The following GPC5 variants were observed in gnomAD, a reference collection of about 807,000 sequenced individuals.
GPC5 encodes the protein glypican-5.
A neutral mutation model predicts 53.9 loss-of-function variants in GPC5; 47 were observed. The ratio of observed to expected loss-of-function variants is 0.87; its 90% confidence interval spans 0.69 to 1.11. The LOEUF (loss-of-function observed/expected upper bound fraction) is 1.11. GPC5 is among the 50% of genes most tolerant of loss of function. The pLI is 0.00. For synonymous variants in GPC5, 286 were observed against 263.3 expected (o/e 1.09, Z -0.84); for missense variants, 748 against 713.1 (o/e 1.05, Z -0.56).
chr13:92,782,948 G>T (rs983917225), intron 7 of GPC5, among the ~76,000 whole-genome samples: 2 of 152,118 alleles, frequency 1.3e-5, no homozygotes, highest in African/African-American at 4.8e-5. Context: ...ACTAGTCAAG[G>T]TATTTGCTTA....
chr13:91,998,527 AT>A (rs2040525693), intron 6 of GPC5, among the ~76,000 whole-genome samples: 1 of 152,132 alleles, frequency 6.6e-6, no homozygotes, highest in Admixed American at 6.5e-5. Context: ...GAGATCTTTA[AT>A]TTCTTAATGT....
chr13:92,614,606 G>C (rs1338237534), intron 7 of GPC5, among the ~76,000 whole-genome samples: 1 of 152,174 alleles, frequency 6.6e-6, no homozygotes, highest in Non-Finnish European at 1.5e-5. Flanking sequence ...GCTTACTACA[G>C]TGAATAATTC....
At chr13:92,275,187 A>G (rs563023751) in intron 7 of GPC5, among the ~76,000 whole-genome samples, 2 of 152,268 alleles carry the variant, frequency 1.3e-5, no homozygotes, top group East Asian at 3.9e-4. Context: ...AAACAATTGA[A>G]ATAGATATTA....
intron 2 of GPC5, among the ~76,000 whole-genome samples, chr13:91,678,805 C>G (rs1017673920): frequency 6.6e-6 from 1 of 151,256 alleles, no homozygotes; most frequent in African/African-American, 2.4e-5. Context: ...GGTAAGTTAT[C>G]ATTATGTAAT....
intron 7 of GPC5, among the ~76,000 whole-genome samples, chr13:92,333,510 T>G (rs1049621764): frequency 6.6e-6 from 1 of 152,032 alleles, no homozygotes; most frequent in African/African-American, 2.4e-5. Context: ...CCTACTCTAG[T>G]CTTCCTTTTC....
intron 6 of GPC5, among the ~76,000 whole-genome samples, chr13:92,096,901 A>C (rs1249260665): frequency 6.6e-6 from 1 of 152,228 alleles, no homozygotes; most frequent in African/African-American, 2.4e-5. Context: ...AGGATGGAAG[A>C]ACTTTGAGGA....
chr13:91,939,875 A>G (rs1037830618), intron 6 of GPC5, among the ~76,000 whole-genome samples: 1 of 152,140 alleles, frequency 6.6e-6, no homozygotes, highest in African/African-American at 2.4e-5. Flanking sequence ...CCCTGTAATC[A>G]TATAGTCCAA....
intron 7 of GPC5, among the ~76,000 whole-genome samples, chr13:92,378,391 C>T (rs1018670014): frequency 1.3e-5 from 2 of 152,176 alleles, no homozygotes; most frequent in Admixed American, 1.3e-4. Flanking sequence ...GTTGGAATTA[C>T]TCTTCACATA....
intron 7 of GPC5, among the ~76,000 whole-genome samples, chr13:92,154,636 C>T (rs1173839984): frequency 6.6e-6 from 1 of 152,192 alleles, no homozygotes; most frequent in East Asian, 1.9e-4. Context: ...CAGCTGGTAC[C>T]TTTTCCATTT....
chr13:92,234,486 T>A (rs1237037564), intron 7 of GPC5, among the ~76,000 whole-genome samples: 1 of 152,118 alleles, frequency 6.6e-6, no homozygotes, highest in Non-Finnish European at 1.5e-5. Context: ...GAGTGAGGAC[T>A]AATGAAATGG....
At chr13:92,742,590 A>G (rs946367515) in intron 7 of GPC5, among the ~76,000 whole-genome samples, 1 of 150,722 alleles carries the variant, frequency 6.6e-6, no homozygotes, top group African/African-American at 2.4e-5. Flanking sequence ...GTTTAATTAG[A>G]TCCCATTTGT....
intron 2 of GPC5, among the ~76,000 whole-genome samples, chr13:91,518,321 A>G (rs1885621053): frequency 6.6e-6 from 1 of 152,180 alleles, no homozygotes; most frequent in Non-Finnish European, 1.5e-5. Flanking sequence ...TGATCACATC[A>G]TTGCGTTCCA....
intron 7 of GPC5, among the ~76,000 whole-genome samples, chr13:92,203,644 A>C (rs1566483312): frequency 8.9e-6 from 1 of 112,270 alleles, no homozygotes; most frequent in Non-Finnish European, 2.2e-5. Context: ...TAATAAAAAA[A>C]TATATATATA....
chr13:91,755,058 A>G (rs2037260628), intron 4 of GPC5, among the ~76,000 whole-genome samples: 1 of 152,146 alleles, frequency 6.6e-6, no homozygotes, highest in African/African-American at 2.4e-5. Context: ...AATATTCACA[A>G]ATAGTTATTT....
At chr13:92,622,432 T>C (rs1277484684) in intron 7 of GPC5, among the ~76,000 whole-genome samples, 1 of 152,214 alleles carries the variant, frequency 6.6e-6, no homozygotes, top group African/African-American at 2.4e-5. Flanking sequence ...CCTATTAAAA[T>C]GTTGTTATTA....
At chr13:91,876,459 G>T (rs182882970) in intron 5 of GPC5, among the ~76,000 whole-genome samples, 9 of 152,330 alleles carry the variant, frequency 5.9e-5, no homozygotes, top group Admixed American at 2.0e-4. Flanking sequence ...TGAGGAAGTA[G>T]TTGGGAATTG....
At chr13:91,572,192 C>CACATGTGTATATATACGTGTGTATAT (rs1594274140) in intron 2 of GPC5, among the ~76,000 whole-genome samples, 1 of 110,316 alleles carries the variant, frequency 9.1e-6, no homozygotes, top group African/African-American at 5.1e-5. Flanking sequence ...TGTGTATACA[C>CACATGTGTATATATACGTGTGTATAT]ACACATATGT....
rs563151832 is a variant in GPC5, at chr13:92,738,655, G to A, written c.1562-127627G>A. On this transcript the variant is annotated intron_variant, in intron 7 of 7. Transcript: ENST00000377067. The stretch of plus-strand genomic sequence containing the variant: ...GATAAGACCAACTCTTGATATAGCC[G>A]TAACTTAAGACAGTTCTTTCTTTTA... Among the ~76,000 whole-genome samples the A allele has an allele frequency of 1.3e-4, 20 of 152,162 alleles. No homozygotes were observed. In the South Asian group the frequency reaches 1.7e-3, roughly 13 times the overall value.
intron 2 of GPC5, among the ~76,000 whole-genome samples, chr13:91,471,530 G>C (rs1191158950): frequency 6.6e-6 from 1 of 152,146 alleles, no homozygotes. Flanking sequence ...GGTGCTGTCA[G>C]ATGGTAATAG....
Sources: allele counts gnomAD v4.1 joint callset (sites outside exome capture counted in the v4.1 genomes callset), GRCh38; gene constraint gnomAD v4.1.1; transcripts MANE v1.5; gene names NCBI Gene and HGNC (gene_info 2026-07-23, HGNC 2026-07-21).